PTPRD: variants seen among roughly 807,000 people sequenced by gnomAD.
PTPRD encodes the protein protein tyrosine phosphatase receptor type D.
PTPRD carries 34 observed loss-of-function variants against 214.5 expected under a neutral mutation model. That is an observed-to-expected ratio of 0.16 (90% CI 0.12 to 0.21). PTPRD has a LOEUF of 0.21. PTPRD is among the 10% of genes least tolerant of loss of function. The pLI, the probability that PTPRD is intolerant of heterozygous loss-of-function variation, is 1.00. For missense variants in PTPRD, 2,545 were observed against 2,398.7 expected, an observed-to-expected ratio of 1.06 and a Z score of -1.27; for synonymous variants, 1,128 against 845.7, an observed-to-expected ratio of 1.33 and a Z score of -5.79.
intron 9 of PTPRD, among the ~76,000 whole-genome samples, chr9:9,319,711 A>T (rs1965429384): frequency 2.0e-5 from 3 of 152,184 alleles, no homozygotes; most frequent in Admixed American, 2.0e-4. Context: ...TTCCAAAAAG[A>T]AGGCACTTTA....
At chr9:10,073,142 T>G (rs1271954694) in intron 3 of PTPRD, among the ~76,000 whole-genome samples, 1 of 151,996 alleles carries the variant, frequency 6.6e-6, no homozygotes, top group Non-Finnish European at 1.5e-5. Flanking sequence ...AGGAGAACGT[T>G]GAATAGATGA....
chr9:8,647,820 A>G (rs1226575384), intron 12 of PTPRD, among the ~76,000 whole-genome samples: 4 of 152,200 alleles, frequency 2.6e-5, no homozygotes, highest in African/African-American at 9.7e-5. Context: ...ATTTTTATCC[A>G]CTGTCCAAAA....
At chr9:9,693,068 A>T (rs1347616121) in intron 7 of PTPRD, among the ~76,000 whole-genome samples, 3 of 152,048 alleles carry the variant, frequency 2.0e-5, no homozygotes, top group Admixed American at 6.6e-5. Flanking sequence ...TCTACAAACA[A>T]TGATAATATG....
chr9:9,696,609 T>G (rs917153088), intron 7 of PTPRD, among the ~76,000 whole-genome samples: 2 of 152,128 alleles, frequency 1.3e-5, no homozygotes, highest in African/African-American at 4.8e-5. Flanking sequence ...GTTATCTGAT[T>G]TAAATATAGC....
At chr9:9,491,476 A>T (rs2095893856) in intron 8 of PTPRD, among the ~76,000 whole-genome samples, 1 of 151,956 alleles carries the variant, frequency 6.6e-6, no homozygotes, top group African/African-American at 2.4e-5. Context: ...CTTCCCAAAA[A>T]CAACAGCATA....
chr9:9,428,855 T>G (rs992982676), intron 8 of PTPRD, among the ~76,000 whole-genome samples: 11 of 152,068 alleles, frequency 7.2e-5, no homozygotes, highest in African/African-American at 2.4e-4. Flanking sequence ...TTGAAACCAG[T>G]GAAAACAAAG....
intron 5 of PTPRD, chr9:9,800,498 A>G (rs1443027854): frequency 6.6e-6 from 1 of 152,222 alleles, no homozygotes; most frequent in African/African-American, 2.4e-5. Flanking sequence ...CCAATTGATT[A>G]AATGATTTTA....
intron 9 of PTPRD, among the ~76,000 whole-genome samples, chr9:9,381,896 C>A (rs547859658): frequency 1.4e-5 from 2 of 138,832 alleles, no homozygotes; most frequent in South Asian, 4.6e-4. Context: ...ATTGTTTTGA[C>A]TATTTCTGTA....
rs553816874 is a variant in PTPRD at position 8,319,626 on chromosome 9, C to G, written c.5670+205G>C. Among the ~76,000 whole-genome samples the G allele has an allele frequency of 2.6e-5, 4 of 152,094 alleles. No individual in the cohort carries two copies. In the South Asian group the frequency reaches 6.2e-4, roughly 24 times the overall value. On this transcript the variant is annotated intron_variant, in intron 45 of 45. Transcript: ENST00000381196. ...AACATAGCTCAATCTAACATATAAT[C>G]TCACATAATTTCTATAGCAACACTA...
At chr9:8,475,882 C>A (rs992416131) in intron 30 of PTPRD, among the ~76,000 whole-genome samples, 4 of 152,200 alleles carry the variant, frequency 2.6e-5, no homozygotes, top group African/African-American at 9.7e-5. Flanking sequence ...TCAACTCTCT[C>A]TATTGACTTT....
rs1161273499 is a variant in PTPRD at position 10,126,696 on chromosome 9, T to A, written c.-544-92906A>T. Reference sequence around the variant, plus strand: ...TAACATGTTCAGGAAAAAGTTAACATAGCTGTCTAGATATTTAGAAGGGCC... The same window carrying A: ...TAACATGTTCAGGAAAAAGTTAACAAAGCTGTCTAGATATTTAGAAGGGCC... On this transcript the variant is annotated intron_variant, in intron 3 of 45. Coordinates refer to ENST00000381196, the MANE Select transcript of PTPRD (RefSeq NM_002839.4). Among the ~76,000 whole-genome samples the A allele has an allele frequency of 2.6e-5, 4 of 152,300 alleles. No homozygotes were observed. In the East Asian group the frequency reaches 5.8e-4, roughly 22 times the overall value.
intron 11 of PTPRD, among the ~76,000 whole-genome samples, chr9:9,017,968 TTTTG>T (rs376804712): frequency 1.8e-4 from 28 of 152,140 alleles, no homozygotes; most frequent in African/African-American, 6.0e-4. Flanking sequence ...TCCACCTCTC[TTTTG>T]TTTCTTCCAA....
intron 5 of PTPRD, among the ~76,000 whole-genome samples, chr9:9,851,577 A>C (rs1482718783): frequency 6.6e-6 from 1 of 152,230 alleles, no homozygotes; most frequent in East Asian, 1.9e-4. Context: ...AAGTTAGTGC[A>C]GGTACTTTTG....
Position 10,248,878 on chromosome 9 carries a change from CT to C in PTPRD, c.-545+92084del, listed in dbSNP as rs36110607. On this transcript the variant is annotated intron_variant, in intron 3 of 45. Coordinates refer to ENST00000381196, the MANE Select transcript of PTPRD (RefSeq NM_002839.4). ...CTTATGCACAGAGGTGATATTTTAT[CT>C]TTTTTTTAGCAATATTGATACTAGA... Among the ~76,000 whole-genome samples, 139 of 150,946 alleles carry C rather than the reference CT, an allele frequency of 9.2e-4. 1 individual carries two copies. The South Asian group carries it at 0.027, about 29-fold the overall frequency.
intron 9 of PTPRD, among the ~76,000 whole-genome samples, chr9:9,324,981 T>G (rs1335934282): frequency 6.6e-6 from 1 of 152,212 alleles, no homozygotes; most frequent in Non-Finnish European, 1.5e-5. Context: ...TTGTCAGGTT[T>G]GTTAAAGATC....
chr9:9,954,275 A>G (rs1236540577), intron 4 of PTPRD, among the ~76,000 whole-genome samples: 9 of 138,132 alleles, frequency 6.5e-5, no homozygotes, highest in Non-Finnish European at 1.2e-4. Flanking sequence ...CCTCGGTGAC[A>G]GATTGAGACT....
At chr9:9,888,705 G>T (rs2071964308) in intron 5 of PTPRD, among the ~76,000 whole-genome samples, 1 of 152,218 alleles carries the variant, frequency 6.6e-6, no homozygotes, top group African/African-American at 2.4e-5. Context: ...CTTGTGCCAT[G>T]CTTCTCATAT....
chr9:10,381,028 T>G (rs1018588983), intron 2 of PTPRD, among the ~76,000 whole-genome samples: 6 of 151,758 alleles, frequency 4.0e-5, no homozygotes, highest in African/African-American at 1.5e-4. Flanking sequence ...TGGAGAGAGA[T>G]TAGTAGGACG....
intron 4 of PTPRD, among the ~76,000 whole-genome samples, chr9:10,000,211 A>T (rs993675750): frequency 7.9e-5 from 12 of 152,230 alleles, no homozygotes; most frequent in African/African-American, 2.9e-4. Context: ...GTACATAAAC[A>T]TCTAGTGGAG....
Sources: allele counts gnomAD v4.1 joint callset (sites outside exome capture counted in the v4.1 genomes callset), GRCh38; gene constraint gnomAD v4.1.1; transcripts MANE v1.5; gene names NCBI Gene and HGNC (gene_info 2026-07-23, HGNC 2026-07-21).